CALM3: variants seen among roughly 807,000 people sequenced by gnomAD.
The protein encoded by CALM3 is calmodulin-3.
A neutral mutation model predicts 20.1 loss-of-function variants in CALM3; 5 were observed. The ratio of observed to expected loss-of-function variants is 0.25; its 90% confidence interval spans 0.13 to 0.52. CALM3 has a LOEUF of 0.52. Ranked by LOEUF, CALM3 falls within the 20% of genes least tolerant of loss-of-function variation. The pLI is 0.96. For synonymous variants in CALM3, 69 were observed against 68.1 expected (o/e 1.01, Z -0.06); for missense variants, 57 against 192.8 (o/e 0.30, Z 4.17).
At chr19:46,604,402 A>G (rs1971697178) in intron 1 of CALM3, among the ~76,000 whole-genome samples, 1 of 151,320 alleles carries the variant, frequency 6.6e-6, no homozygotes, top group South Asian at 2.1e-4. Context: ...TCCCCTTTAC[A>G]CTTTGGACTT....
chr19:46,607,580 C>T (rs889055834), intron 2 of CALM3, among the ~76,000 whole-genome samples: 9 of 152,206 alleles, frequency 5.9e-5, no homozygotes, highest in African/African-American at 1.7e-4. Flanking sequence ...TCCATCCCCC[C>T]ATCAACCCCA....
At position 46,601,359 on chromosome 19, in the gene CALM3, G is replaced by T; in HGVS notation, c.-76G>T. ...AGTGTGGAGGCGCGGACGCGCGGCG[G>T]AGCTGGAACTGCTGCAGCTGCTGCC... On this transcript the variant is annotated 5_prime_UTR_variant, in exon 1 of 6. Coordinates refer to ENST00000291295, the MANE Select transcript of CALM3 (RefSeq NM_005184.4). The surrounding 1 kb of genome is among the most constrained non-coding windows in gnomAD (Gnocchi z 4.2). The T allele has an allele frequency of 6.8e-7, 1 of 1,465,050 alleles. No individual in the cohort carries two copies. The allele number at this position is 1,465,050 out of a possible 1,614,324, so 90.8% of individuals were successfully genotyped here.
rs2122211978 is a variant in CALM3 at position 46,601,537 on chromosome 19, C to T, written c.3+100C>T. 3 of 1,152,742 alleles carry T rather than the reference C, an allele frequency of 2.6e-6. No homozygotes were observed. Among genetic ancestry groups the T allele is most frequent in the South Asian group, 4.4e-5 (2 of 45,232 alleles). The allele number at this position is 1,152,742 out of a possible 1,614,324, so 71.4% of individuals were successfully genotyped here. A position where few individuals can be genotyped will look rare whatever the true frequency, so the allele number is the denominator to read the frequency against. On this transcript the variant is annotated intron_variant, in intron 1 of 5. Transcript: ENST00000291295. The surrounding 1 kb of genome is among the most constrained non-coding windows in gnomAD (Gnocchi z 4.2). ...GACAGAGCCCAGAGTGGGGGGCGTCCGGGCCCGGCGAGAGCCTCGGGACCC... is the reference window on the plus strand; with the variant it reads ...GACAGAGCCCAGAGTGGGGGGCGTCTGGGCCCGGCGAGAGCCTCGGGACCC...
rs543218237 is a variant in CALM3 at position 46,601,468 on chromosome 19, C to A, written c.3+31C>A. On this transcript the variant is annotated intron_variant, in intron 1 of 5. Coordinates refer to ENST00000291295, the MANE Select transcript of CALM3 (RefSeq NM_005184.4). This position sits in a 1 kb window ranked among gnomAD's most constrained non-coding sequence, Gnocchi z 4.2. ...TGAGGCTGGGGGGTCGCCGAGGCTG[C>A]GGGCTCTGAGGCGGGCTTAACGGGG... is the stretch of plus-strand genomic sequence containing the variant. The A allele has an allele frequency of 2.7e-6, 4 of 1,485,166 alleles. No homozygotes were observed. Among genetic ancestry groups the A allele is most frequent in the East Asian group, 5.7e-5 (2 of 35,180 alleles). 92.0% of individuals were successfully genotyped at this position (1,485,166 alleles called of 1,614,324 possible). A position where few individuals can be genotyped will look rare whatever the true frequency, so the allele number is the denominator to read the frequency against.
chr19:46,605,248 G>C lies in CALM3; in HGVS notation c.4-579G>C, dbSNP rs1316148258. On this transcript the variant is annotated intron_variant, in intron 1 of 5. Transcript: ENST00000291295. This position sits in a 1 kb window ranked among gnomAD's most constrained non-coding sequence, Gnocchi z 4.1. ...GGTGCTTGAGCAACTCGGGCCGCCG[G>C]TTAGGAGAATTTTTGCCACTTGGGT... 6.5e-6 allele frequency: 1 copy of C among 152,846 alleles called. No homozygotes were observed. Among genetic ancestry groups the C allele is most frequent in the Non-Finnish European group, 1.5e-5 (1 of 68,500 alleles). 9.5% of individuals were successfully genotyped at this position (152,846 alleles called of 1,614,324 possible).
chr19:46,609,257 C>A lies in CALM3; in HGVS notation c.*104C>A. 2.0e-6 allele frequency: 2 copies of A among 1,011,524 alleles called. No homozygotes were observed. The highest frequency in any genetic ancestry group is 3.0e-6 in the Non-Finnish European group (2 of 656,540). 62.7% of individuals were successfully genotyped at this position (1,011,524 alleles called of 1,614,324 possible). ...CTGCGTACCCCGGTTCTAGCAAACACCAATTGATTGACTGAGAATCTGATA... is the reference window on the plus strand; with the variant it reads ...CTGCGTACCCCGGTTCTAGCAAACAACAATTGATTGACTGAGAATCTGATA... On this transcript the variant is annotated 3_prime_UTR_variant, in exon 6 of 6. Transcript: ENST00000291295.
upstream of CALM3, chr19:46,601,125 G>T (rs1476188022): frequency 2.6e-6 from 2 of 757,670 alleles, no homozygotes; most frequent in African/African-American, 3.5e-5. The surrounding 1 kb of genome is among the most constrained non-coding windows in gnomAD (Gnocchi z 4.2). Context: ...CGCGCCCGGC[G>T]GCAAACCCAA....
intron 1 of CALM3, among the ~76,000 whole-genome samples, chr19:46,604,547 G>GTTT (rs34621966): frequency 4.5e-5 from 6 of 133,836 alleles, no homozygotes; most frequent in Admixed American, 1.5e-4. Context: ...CTTCCGTTAG[G>GTTT]TTTTTTTTTT....
chr19:46,606,991 C>T (rs948246964), intron 2 of CALM3, among the ~76,000 whole-genome samples: 1 of 152,204 alleles, frequency 6.6e-6, no homozygotes, highest in African/African-American at 2.4e-5. Context: ...CTTGCCTTCT[C>T]TCCTTTCTCC....
At position 46,605,913 on chromosome 19, in the gene CALM3, A is replaced by C; in HGVS notation, c.34+56A>C. ...AGGAAAGCCTCCACATCCCCAGCCA[A>C]ATCTTAGCCACTGAGGAGTGACATC... is the stretch of plus-strand genomic sequence containing the variant. On this transcript the variant is annotated intron_variant, in intron 2 of 5. Coordinates refer to ENST00000291295, the MANE Select transcript of CALM3 (RefSeq NM_005184.4). This position sits in a 1 kb window ranked among gnomAD's most constrained non-coding sequence, Gnocchi z 4.1. 2 of 1,531,252 alleles carry C rather than the reference A, an allele frequency of 1.3e-6. No individual in the cohort carries two copies. The allele number at this position is 1,531,252 out of a possible 1,614,324, so 94.9% of individuals were successfully genotyped here. A position where few individuals can be genotyped will look rare whatever the true frequency, so the allele number is the denominator to read the frequency against.
intron 2 of CALM3, among the ~76,000 whole-genome samples, chr19:46,606,655 C>T (rs1209980291): frequency 6.6e-6 from 1 of 152,200 alleles, no homozygotes; most frequent in Non-Finnish European, 1.5e-5. Context: ...ACATCTCTCT[C>T]TCAGCAAGCT....
rs3729510 is a variant in CALM3, at chr19:46,605,754, T to C, written c.4-73T>C. ...GAGCTGGCCTCACTGGGGCCGAGGG[T>C]CTGGGCTGAGTGAGGAAGATGCGTC... On this transcript the variant is annotated intron_variant, in intron 1 of 5. Transcript: ENST00000291295. This position sits in a 1 kb window ranked among gnomAD's most constrained non-coding sequence, Gnocchi z 4.1. 0.72 allele frequency: 1,082,296 copies of C among 1,503,128 alleles called. 393,487 individuals carry two copies. Among genetic ancestry groups the C allele is most frequent in the East Asian group, 0.94 (41,435 of 44,286 alleles). 93.1% of individuals were successfully genotyped at this position (1,503,128 alleles called of 1,614,324 possible).
At position 46,609,204 on chromosome 19, in the gene CALM3, G is replaced by A. The variant is rs533341328; in HGVS notation, c.*51G>A. 32 of 1,575,558 alleles carry A rather than the reference G, an allele frequency of 2.0e-5. No individual in the cohort carries two copies. Among genetic ancestry groups the A allele is most frequent in the East Asian group, 6.8e-5 (3 of 44,088 alleles). On this transcript the variant is annotated 3_prime_UTR_variant, in exon 6 of 6. Coordinates refer to ENST00000291295, the MANE Select transcript of CALM3 (RefSeq NM_005184.4). ...CCGTTCTCTTGATCTCTCTCTTCTC[G>A]CGCGCGCACTCTCTCTTCAACACTC...
At position 46,608,302 on chromosome 19, in the gene CALM3, C is replaced by G; in HGVS notation, c.140C>G (p.Ala47Gly). ...TCCCTGGGACAGAACCCCACTGAAG[C>G]AGAGCTGCAGGATATGATCAATGAG... ...MRSLGQNPTE[A>G]ELQDMINEVD... The change falls in exon 3 of 6, where the codon GCA becomes GGA. Residue 47 changes from alanine (A) to glycine (G), a missense_variant. By Grantham distance (60) the Ala-to-Gly change is moderately conservative (BLOSUM62 0). Coordinates refer to ENST00000291295, the MANE Select transcript of CALM3 (RefSeq NM_005184.4). This position sits in a 1 kb window ranked among gnomAD's most constrained non-coding sequence, Gnocchi z 5.5. 6.2e-7 allele frequency: 1 copy of G among 1,614,196 alleles called. No individual in the cohort carries two copies. Among genetic ancestry groups the G allele is most frequent in the Non-Finnish European group, 8.5e-7 (1 of 1,180,024 alleles).
chr19:46,609,379 C>T lies in CALM3; in HGVS notation c.*226C>T. The T allele has an allele frequency of 1.7e-6, 1 of 601,798 alleles. No individual in the cohort carries two copies. The highest frequency in any genetic ancestry group is 3.0e-6 in the Non-Finnish European group (1 of 336,748). The allele number at this position is 601,798 out of a possible 1,614,324, so 37.3% of individuals were successfully genotyped here. A position where few individuals can be genotyped will look rare whatever the true frequency, so the allele number is the denominator to read the frequency against. ...CCTCATCTCTTCCTTTTGCCCTCGC[C>T]TCTTCCATCCATGTCTTCCAAGGCC... is the stretch of plus-strand genomic sequence containing the variant. On this transcript the variant is annotated 3_prime_UTR_variant, in exon 6 of 6. Transcript: ENST00000291295.
Position 46,609,132 on chromosome 19 carries a change from A to G in CALM3, c.429A>G (p.Val143=), listed in dbSNP as rs2122252253. The change falls in exon 6 of 6, where the codon GTA becomes GTG. Residue 143 remains valine, a synonymous_variant. Transcript: ENST00000291295. The part of the protein sequence containing the change: ...GDGQVNYEEF[V]QMMTAK ...CTCTGCTTCACTCCACAGAGTTTGT[A>G]CAGATGATGACTGCAAAGTGAAGGC... 6.2e-7 allele frequency: 1 copy of G among 1,614,088 alleles called. No homozygotes were observed. Among genetic ancestry groups the G allele is most frequent in the Non-Finnish European group, 8.5e-7 (1 of 1,179,992 alleles).
intron 2 of CALM3, among the ~76,000 whole-genome samples, chr19:46,607,165 C>T (rs140355076): frequency 1.2e-3 from 190 of 152,284 alleles, no homozygotes; most frequent in Middle Eastern, 3.4e-3. Context: ...ACAACAAGGC[C>T]TCAGCACAGG....
At position 46,606,257 on chromosome 19, in the gene CALM3, C is replaced by T. The variant is rs34641022; in HGVS notation, c.34+400C>T. The T allele has an allele frequency of 7.7e-3, 1,553 of 202,442 alleles. 4 individuals carry two copies. Among genetic ancestry groups the T allele is most frequent in the Non-Finnish European group, 0.011 (1,107 of 99,882 alleles). 12.5% of individuals were successfully genotyped at this position (202,442 alleles called of 1,614,324 possible). ...TTTAGGAGCCGCCCAGGAGCTGGCT[C>T]GTCACTCCCACCTCTGCGCTTGCCT... On this transcript the variant is annotated intron_variant, in intron 2 of 5. Coordinates refer to ENST00000291295, the MANE Select transcript of CALM3 (RefSeq NM_005184.4).
chr19:46,606,760 C>T (rs1199455472), intron 2 of CALM3, among the ~76,000 whole-genome samples: 2 of 152,144 alleles, frequency 1.3e-5, no homozygotes, highest in South Asian at 2.1e-4. Flanking sequence ...ATTACAGATC[C>T]GTGCCTGCCT....
Sources: gnomAD v4.1 joint callset for allele counts (sites outside exome capture counted in the v4.1 genomes callset) on GRCh38, gnomAD v4.1.1 for gene constraint, Gnocchi (gnomAD v3.1) non-coding constraint, MANE v1.5 for transcripts, NCBI Gene and HGNC (gene_info 2026-07-23, HGNC 2026-07-21) for gene names.